Variants in TMTC4 observed in about 807,000 individuals in gnomAD.
TMTC4 encodes protein O-mannosyl-transferase TMTC4.
In TMTC4, 65 loss-of-function variants were observed where a neutral mutation model predicts 86.0. The observed-to-expected ratio is 0.76, with a 90% CI of 0.62 to 0.93. The LOEUF (loss-of-function observed/expected upper bound fraction) is 0.93. Ranked by LOEUF, TMTC4 falls within the 40% of genes least tolerant of loss-of-function variation. TMTC4 has a pLI of 0.00. For missense variants in TMTC4, 866 were observed against 948.1 expected (o/e 0.91, Z 1.14); for synonymous variants, 379 against 382.5 (o/e 0.99, Z 0.11).
intron 15 of TMTC4, among the ~76,000 whole-genome samples, chr13:100,623,653 T>TG (rs1328172699): frequency 1.3e-5 from 2 of 148,228 alleles, no homozygotes; most frequent in Non-Finnish European, 3.0e-5. Context: ...TTGTTTTTTT[T>TG]TTTTTTTTTT....
intron 1 of TMTC4, among the ~76,000 whole-genome samples, chr13:100,671,114 A>T (rs1463988199): frequency 1.3e-5 from 2 of 152,250 alleles, no homozygotes; most frequent in African/African-American, 2.4e-5. Flanking sequence ...AAGGTCATGT[A>T]ACCGGTTTTG....
chr13:100,637,899 G>T, intron 8 of TMTC4, 31 bp downstream of exon 8: 1 of 1,574,274 alleles, frequency 6.4e-7, no homozygotes, highest in Non-Finnish European at 8.7e-7. Context: ...CATTTTCCAT[G>T]TCTGGGCTGG....
At chr13:100,673,201 C>A in intron 1 of TMTC4, 1 of 450,842 alleles carries the variant, frequency 2.2e-6, no homozygotes, top group Non-Finnish European at 2.9e-6. Context: ...GCCAAAAAGA[C>A]CCCACACAGG....
intron 10 of TMTC4, among the ~76,000 whole-genome samples, chr13:100,636,207 A>G (rs1248296284): frequency 6.6e-6 from 1 of 152,180 alleles, no homozygotes; most frequent in Non-Finnish European, 1.5e-5. Flanking sequence ...TGGGCACAAC[A>G]CACATCAATT....
rs763590042 is a variant in TMTC4, at chr13:100,605,188, C to T, written c.2135-46G>A. 2.5e-6 allele frequency: 4 copies of T among 1,587,724 alleles called. No homozygotes were observed. The highest frequency in any genetic ancestry group is 3.4e-6 in the Non-Finnish European group (4 of 1,167,272). On this transcript the variant is annotated intron_variant, in intron 18 of 18. Coordinates refer to ENST00000342624, the MANE Select transcript of TMTC4 (RefSeq NM_032813.5). This position sits in a 1 kb window ranked among gnomAD's most constrained non-coding sequence, Gnocchi z 4.3. ...TTTCACTGGGAATGCTTCTGAGTAA[C>T]GTGCCGTATTCCTACCCTCTTGGAC...
chr13:100,624,342 AAAAAAAAAAAAT>A (rs992081845), intron 15 of TMTC4: 30 of 62,282 alleles, frequency 4.8e-4, no homozygotes, highest in Admixed American at 9.0e-4. Context: ...ACTCTGTCTC[AAAAAAAAAAAAT>A]AAAAAAAAAA....
intron 6 of TMTC4, among the ~76,000 whole-genome samples, chr13:100,652,217 G>A (rs1327423145): frequency 6.6e-6 from 1 of 151,992 alleles, no homozygotes; most frequent in Non-Finnish European, 1.5e-5. Flanking sequence ...CGGTGGCTCA[G>A]CCTGTAATCC....
chr13:100,674,237 G>T, intron 1 of TMTC4: 1 of 980,682 alleles, frequency 1.0e-6, no homozygotes, highest in Non-Finnish European at 1.2e-6. Context: ...AGTAGCAGGC[G>T]CTCGCGGCGC....
At chr13:100,674,662 C>A in intron 1 of TMTC4, 82 bp downstream of exon 1, 1 of 982,874 alleles carries the variant, frequency 1.0e-6, no homozygotes, top group Non-Finnish European at 1.2e-6. Flanking sequence ...ACGGCGGCAG[C>A]GGGGAACCCG....
chr13:100,668,115 C>T (rs1416189390), intron 3 of TMTC4, among the ~76,000 whole-genome samples: 1 of 152,120 alleles, frequency 6.6e-6, no homozygotes, highest in Non-Finnish European at 1.5e-5. Flanking sequence ...CCGACAGTCT[C>T]GGAGAAGGAC....
rs1408650981 is a variant in TMTC4 at position 100,604,101 on chromosome 13, C to T, written c.*893G>A. The T allele has an allele frequency of 1.3e-5, 2 of 152,604 alleles. No homozygotes were observed. The highest frequency in any genetic ancestry group is 2.9e-5 in the Non-Finnish European group (2 of 68,038). 9.5% of individuals were successfully genotyped at this position (152,604 alleles called of 1,614,324 possible). A position where few individuals can be genotyped will look rare whatever the true frequency, so the allele number is the denominator to read the frequency against. On this transcript the variant is annotated 3_prime_UTR_variant, in exon 19 of 19. Coordinates refer to ENST00000342624, the MANE Select transcript of TMTC4 (RefSeq NM_032813.5). ...ACCACGAATTCCCCGAATGTGGCTC[C>T]ATTTGATAGAAAATTTTGCATTTTC...
intron 5 of TMTC4, among the ~76,000 whole-genome samples, chr13:100,660,353 A>G (rs1016876192): frequency 6.6e-6 from 1 of 151,360 alleles, no homozygotes; most frequent in Non-Finnish European, 1.5e-5. Context: ...AAAAAAGAAA[A>G]GAAAAAAAAA....
Position 100,604,930 on chromosome 13 carries a change from C to T in TMTC4, c.*64G>A. 6.6e-7 allele frequency: 1 copy of T among 1,521,304 alleles called. No homozygotes were observed. Among genetic ancestry groups the T allele is most frequent in the Non-Finnish European group, 8.8e-7 (1 of 1,134,006 alleles). The allele number at this position is 1,521,304 out of a possible 1,614,324, so 94.2% of individuals were successfully genotyped here. Reference sequence around the variant, plus strand: ...ACTTTTAAATGGTTAAATGTAACCACATACTATTAATGATATGCCTCATGC... The same window carrying T: ...ACTTTTAAATGGTTAAATGTAACCATATACTATTAATGATATGCCTCATGC... On this transcript the variant is annotated 3_prime_UTR_variant, in exon 19 of 19. Transcript: ENST00000342624.
Position 100,637,521 on chromosome 13 carries a change from G to A in TMTC4, c.999+17C>T. On this transcript the variant is annotated intron_variant, in intron 9 of 18. Transcript: ENST00000342624. ...GGGGAAGAAAAGAGTCCAGGGGGCG[G>A]CAGGCTCAGAACTCACCCTCACCAG... 1 of 1,598,498 alleles carries A rather than the reference G, an allele frequency of 6.3e-7. No individual in the cohort carries two copies. Among genetic ancestry groups the A allele is most frequent in the Non-Finnish European group, 8.5e-7 (1 of 1,169,800 alleles).
chr13:100,639,123 G>A (rs1349027846), intron 7 of TMTC4, among the ~76,000 whole-genome samples: 1 of 152,190 alleles, frequency 6.6e-6, no homozygotes, highest in Admixed American at 6.5e-5. Context: ...TATTGTTAAA[G>A]CTGCCCCTAA....
chr13:100,612,257 A>G lies in TMTC4; in HGVS notation c.2064+141T>C, dbSNP rs1877708283. On this transcript the variant is annotated intron_variant, in intron 17 of 18. Transcript: ENST00000342624. ...TGTCTTTGAAGCAACTTTTCCAGGA[A>G]ACAAACTGGCCAAGCCACATTGGTG... The G allele has an allele frequency of 6.2e-6, 4 of 644,088 alleles. No homozygotes were observed. In the East Asian group the frequency reaches 1.2e-4, roughly 19 times the overall value. The allele number at this position is 644,088 out of a possible 1,614,324, so 39.9% of individuals were successfully genotyped here. A position where few individuals can be genotyped will look rare whatever the true frequency, so the allele number is the denominator to read the frequency against.
chr13:100,626,218 T>C, intron 12 of TMTC4, 68 bp from the exon 13 acceptor site: 2 of 1,483,556 alleles, frequency 1.3e-6, no homozygotes, highest in Non-Finnish European at 1.9e-6. Context: ...CCCCATCACA[T>C]CTTCTAACTG....
chr13:100,657,753 CACTG>C (rs1439554407), intron 5 of TMTC4, among the ~76,000 whole-genome samples: 1 of 152,176 alleles, frequency 6.6e-6, no homozygotes, highest in Non-Finnish European at 1.5e-5. Context: ...AGAAAATATA[CACTG>C]ACTACGAAAT....
intron 12 of TMTC4, among the ~76,000 whole-genome samples, chr13:100,628,271 C>T (rs1455490746): frequency 3.3e-5 from 5 of 152,212 alleles, no homozygotes; most frequent in Non-Finnish European, 7.3e-5. Context: ...TCCCACGTGC[C>T]TCATGTAAGT....
Sources: allele counts gnomAD v4.1 joint callset (sites outside exome capture counted in the v4.1 genomes callset), GRCh38; gene constraint gnomAD v4.1.1; non-coding constraint Gnocchi (gnomAD v3.1); transcripts MANE v1.5; gene names NCBI Gene and HGNC (gene_info 2026-07-23, HGNC 2026-07-21).